The following CENPP variants were observed in gnomAD, a reference collection of about 807,000 sequenced individuals.
The protein encoded by CENPP is centromere protein P.
Under a neutral mutation model 35.6 loss-of-function variants are expected in CENPP, and 24 were observed. The ratio of observed to expected loss-of-function variants is 0.67; its 90% CI spans 0.49 to 0.95. The LOEUF (loss-of-function observed/expected upper bound fraction) is 0.95, where lower values mean the gene tolerates loss of function less well. Ranked by LOEUF, CENPP falls within the 40% of genes least tolerant of loss-of-function variation. The pLI is 0.00. For missense variants in CENPP, 332 were observed against 345.3 expected (o/e 0.96, Z 0.31); for synonymous variants, 120 against 125.5 (o/e 0.96, Z 0.29).
chr9:92,383,852 G>A (rs779808193), intron 5 of CENPP: 4 of 151,788 alleles, frequency 2.6e-5, no homozygotes, highest in Non-Finnish European at 5.9e-5. Context: ...TGCTCCATAA[G>A]TTTTATCATA....
At chr9:92,371,314 A>G (rs1841999133) in intron 4 of CENPP, among the ~76,000 whole-genome samples, 1 of 151,624 alleles carries the variant, frequency 6.6e-6, no homozygotes, top group Non-Finnish European at 1.5e-5. Flanking sequence ...GTGTGTTTCC[A>G]TTTTTACTTA....
intron 5 of CENPP, among the ~76,000 whole-genome samples, chr9:92,508,155 A>G (rs879517969): frequency 1.3e-5 from 2 of 152,088 alleles, no homozygotes; most frequent in Non-Finnish European, 2.9e-5. Flanking sequence ...CAGCCTGACC[A>G]TCCACAGCAT....
intron 5 of CENPP, among the ~76,000 whole-genome samples, chr9:92,471,475 G>A (rs539312673): frequency 6.6e-6 from 1 of 151,936 alleles, no homozygotes; most frequent in Non-Finnish European, 1.5e-5. Flanking sequence ...TATTACAGTC[G>A]TGAGCCACCG....
In CENPP at chr9:92,616,416, C is replaced by T. The variant is rs573702513; in HGVS notation, c.*3267C>T. 5.1e-6 allele frequency: 1 copy of T among 196,932 alleles called. No individual in the cohort carries two copies. The highest frequency in any genetic ancestry group is 1.3e-4 in the East Asian group (1 of 7,504). The allele number at this position is 196,932 out of a possible 1,614,324, so 12.2% of individuals were successfully genotyped here. ...GTGGAACATGTGAGCGATGTTCCCC[C>T]AGCCCAGTGGTATAAACGAACGCTG... On this transcript the variant is annotated 3_prime_UTR_variant, in exon 8 of 8. Coordinates refer to ENST00000375587, the MANE Select transcript of CENPP (RefSeq NM_001012267.3).
chr9:92,604,921 T>C (rs1335383848), intron 5 of CENPP, among the ~76,000 whole-genome samples: 4 of 152,148 alleles, frequency 2.6e-5, no homozygotes, highest in Non-Finnish European at 5.9e-5. Context: ...AATCTTTGGC[T>C]AACCCAGAAT....
At position 92,559,448 on chromosome 9, in the gene CENPP, A is replaced by G. The variant is rs542911414; in HGVS notation, c.565-51866A>G. ...CGGGTCTCCCTTTCCCACTTCCGCA[A>G]TTGGGGCACTCACAGTAGTTGGGGT... is the stretch of plus-strand genomic sequence containing the variant. On this transcript the variant is annotated intron_variant, in intron 5 of 7. Coordinates refer to ENST00000375587, the MANE Select transcript of CENPP (RefSeq NM_001012267.3). Among the ~76,000 whole-genome samples the G allele has an allele frequency of 6.6e-5, 10 of 152,274 alleles. No individual in the cohort carries two copies. In the South Asian group the frequency reaches 1.0e-3, roughly 16 times the overall value.
chr9:92,517,515 C>T, intron 5 of CENPP: 2 of 831,528 alleles, frequency 2.4e-6, no homozygotes, highest in Non-Finnish European at 1.9e-6. Context: ...TATTTATATC[C>T]CCTACCATAC....
At chr9:92,525,527 A>G (rs893168509) in intron 5 of CENPP, among the ~76,000 whole-genome samples, 1 of 152,206 alleles carries the variant, frequency 6.6e-6, no homozygotes, top group African/African-American at 2.4e-5. Context: ...GCATCATAGC[A>G]TAACGCATTA....
At chr9:92,522,061 G>A (rs970288169) in intron 5 of CENPP, among the ~76,000 whole-genome samples, 11 of 151,938 alleles carry the variant, frequency 7.2e-5, no homozygotes, top group African/African-American at 2.7e-4. Context: ...TTGGTTTTTT[G>A]GGGGTTGTTT....
intron 5 of CENPP, among the ~76,000 whole-genome samples, chr9:92,542,814 CT>C (rs1849346312): frequency 6.6e-6 from 1 of 152,066 alleles, no homozygotes; most frequent in Non-Finnish European, 1.5e-5. Flanking sequence ...GCCCGGCCCC[CT>C]ATGTTTTCTT....
rs201916840 is a variant in CENPP, at chr9:92,615,831, G to A, written c.*2682G>A. ...GTTTCAAAGACACTGCAGGGAAAGA[G>A]TTAGACCTTGTGGAGAACTAATGTG... On this transcript the variant is annotated 3_prime_UTR_variant, in exon 8 of 8. Transcript: ENST00000375587. 6.9e-4 allele frequency: 1,101 copies of A among 1,607,184 alleles called. No homozygotes were observed. Among genetic ancestry groups the A allele is most frequent in the Middle Eastern group, 2.5e-3 (15 of 5,962 alleles).
intron 5 of CENPP, among the ~76,000 whole-genome samples, chr9:92,606,812 G>A (rs1851094422): frequency 6.6e-6 from 1 of 152,204 alleles, no homozygotes; most frequent in African/African-American, 2.4e-5. Context: ...ACTGAGGCAG[G>A]AGAATCGCTT....
intron 5 of CENPP, among the ~76,000 whole-genome samples, chr9:92,493,112 T>C (rs1425595412): frequency 6.6e-6 from 1 of 152,194 alleles, no homozygotes; most frequent in East Asian, 1.9e-4. Context: ...TCTTGATGGA[T>C]TTTAAAACCT....
intron 5 of CENPP, among the ~76,000 whole-genome samples, chr9:92,457,708 G>A (rs144392142): frequency 3.9e-5 from 6 of 152,206 alleles, no homozygotes; most frequent in East Asian, 1.9e-4. Flanking sequence ...AAGGACTCCC[G>A]CCAGGGCCCA....
chr9:92,438,858 C>T (rs1266019448), intron 5 of CENPP, among the ~76,000 whole-genome samples: 1 of 152,212 alleles, frequency 6.6e-6, no homozygotes, highest in Non-Finnish European at 1.5e-5. Flanking sequence ...GAGGCTGAGG[C>T]AGGAGAATCT....
intron 4 of CENPP, among the ~76,000 whole-genome samples, chr9:92,348,134 T>A (rs1299654513): frequency 6.7e-6 from 1 of 150,334 alleles, no homozygotes; most frequent in African/African-American, 2.4e-5. Flanking sequence ...TTTTTGTGCA[T>A]TTTTGGTAGA....
rs1229263081 is a variant in CENPP, at chr9:92,555,024, G to GTTA, written c.565-56288_565-56287insATT. 8.7e-5 allele frequency among the ~76,000 whole-genome samples: 13 copies of GTTA among 150,166 alleles called. No homozygotes were observed. In the East Asian group the frequency reaches 1.7e-3, roughly 20 times the overall value. The stretch of plus-strand genomic sequence containing the variant: ...ATTGTTTGTTGTTGTTGTTGTTGTT[G>GTTA]TTGTTGTTGTTGTTGTGTCCTTTCC... On this transcript the variant is annotated intron_variant, in intron 5 of 7. Coordinates refer to ENST00000375587, the MANE Select transcript of CENPP (RefSeq NM_001012267.3).
chr9:92,352,881 T>C (rs1353887953), intron 4 of CENPP, among the ~76,000 whole-genome samples: 1 of 152,018 alleles, frequency 6.6e-6, no homozygotes. Flanking sequence ...GATTAATACT[T>C]TGTATCCTTC....
intron 5 of CENPP, chr9:92,517,526 A>AT: frequency 1.1e-6 from 1 of 948,570 alleles, no homozygotes; most frequent in Non-Finnish European, 1.6e-6. Flanking sequence ...CCTACCATAC[A>AT]TTTTCCCAGA....
Sources: allele counts gnomAD v4.1 joint callset (sites outside exome capture counted in the v4.1 genomes callset), GRCh38; gene constraint gnomAD v4.1.1; transcripts MANE v1.5; gene names NCBI Gene and HGNC (gene_info 2026-07-23, HGNC 2026-07-21).